The following ACYP2 variants were observed in gnomAD, a reference collection of about 807,000 sequenced individuals.
The protein encoded by ACYP2 is acylphosphatase 2, also known as acylphosphatase-2.
Under a neutral mutation model 11.2 loss-of-function variants are expected in ACYP2, and 12 were observed. The ratio of observed to expected loss-of-function variants is 1.08; its 90% CI spans 0.69 to 1.74. The LOEUF (loss-of-function observed/expected upper bound fraction) is 1.74, where lower values mean the gene tolerates loss of function less well. ACYP2 is among the 40% of genes most tolerant of loss of function. The pLI is 0.00. For missense variants in ACYP2, 134 were observed against 101.9 expected, an observed-to-expected ratio of 1.31 and a Z score of -1.35; for synonymous variants, 43 against 32.2, an observed-to-expected ratio of 1.33 and a Z score of -1.13.
chr2:54,240,660 C>G (rs1019976946), intron 6 of ACYP2, among the ~76,000 whole-genome samples: 28 of 152,180 alleles, frequency 1.8e-4, no homozygotes, highest in African/African-American at 6.8e-4. Context: ...AAGACTCAGG[C>G]TCGTATTACA....
intron 6 of ACYP2, chr2:54,267,455 G>A: frequency 4.2e-6 from 5 of 1,203,332 alleles, no homozygotes; most frequent in Middle Eastern, 2.0e-4. Flanking sequence ...TTGGGAGCTG[G>A]GGGAAGAGTG....
intron 6 of ACYP2, among the ~76,000 whole-genome samples, chr2:54,154,052 GT>G (rs879355751): frequency 5.0e-4 from 73 of 144,654 alleles, no homozygotes; most frequent in South Asian, 1.1e-3. Context: ...TTCTCCTAAG[GT>G]TTTTTTTTTT....
intron 6 of ACYP2, among the ~76,000 whole-genome samples, chr2:54,199,876 C>T (rs1010253897): frequency 2.6e-5 from 4 of 152,166 alleles, no homozygotes; most frequent in Non-Finnish European, 5.9e-5. Context: ...GCCTGGTGAT[C>T]GTTGCAATGG....
At chr2:53,985,262 G>C (rs745432123) in intron 2 of ACYP2, among the ~76,000 whole-genome samples, 1 of 151,692 alleles carries the variant, frequency 6.6e-6, no homozygotes, top group African/African-American at 2.4e-5. Context: ...ATAGAGACAG[G>C]GTTTCACATT....
At chr2:54,238,524 C>T (rs761514776) in intron 6 of ACYP2, among the ~76,000 whole-genome samples, 8 of 152,086 alleles carry the variant, frequency 5.3e-5, no homozygotes, top group East Asian at 3.9e-4. Context: ...TTTAATCTTT[C>T]GAATGTAAAG....
intron 2 of ACYP2, among the ~76,000 whole-genome samples, chr2:54,000,069 C>T (rs1573484576): frequency 6.6e-6 from 1 of 151,614 alleles, no homozygotes; most frequent in African/African-American, 2.4e-5. Flanking sequence ...TATTAATTTA[C>T]TATCTGTTAT....
At chr2:54,115,711 C>T (rs1679720688) in intron 4 of ACYP2, 1 of 1,612,984 alleles carries the variant, frequency 6.2e-7, no homozygotes, top group Non-Finnish European at 8.5e-7. Flanking sequence ...GTCTACCGCC[C>T]AGTCACTCAA....
At chr2:54,195,794 G>GTTTTTTGTT (rs1684445469) in intron 6 of ACYP2, among the ~76,000 whole-genome samples, 1 of 83,134 alleles carries the variant, frequency 1.2e-5, no homozygotes, top group Non-Finnish European at 2.2e-5. Context: ...TTTGTTGTGG[G>GTTTTTTGTT]TTTTTTTTTT....
chr2:54,001,384 AT>A (rs1297079952), intron 2 of ACYP2, among the ~76,000 whole-genome samples: 1 of 152,132 alleles, frequency 6.6e-6, no homozygotes, highest in Non-Finnish European at 1.5e-5. Flanking sequence ...AAAATAACAA[AT>A]TTAAAAATAT....
chr2:54,182,730 T>C (rs1267537866), intron 6 of ACYP2, among the ~76,000 whole-genome samples: 1 of 152,198 alleles, frequency 6.6e-6, no homozygotes, highest in Non-Finnish European at 1.5e-5. Context: ...CAAAGTCACA[T>C]AACTGGCAGA....
At chr2:54,273,917 G>T (rs1688430758) in intron 6 of ACYP2, among the ~76,000 whole-genome samples, 1 of 152,202 alleles carries the variant, frequency 6.6e-6, no homozygotes, top group African/African-American at 2.4e-5. Context: ...ACAGGAATTT[G>T]CACCATGAAC....
In ACYP2 at chr2:54,172,616, T is replaced by A. The variant is rs1321147555; in HGVS notation, c.404+33868T>A. On this transcript the variant is annotated intron_variant, in intron 6 of 6. Transcript: ENST00000607452. ...TCTCTTTTTTCTTTTATTTATTTAT[T>A]ATTATACTTTAAGTTCTAGGGTACA... is the stretch of plus-strand genomic sequence containing the variant. Among the ~76,000 whole-genome samples the A allele has an allele frequency of 2.0e-5, 3 of 152,186 alleles. No individual in the cohort carries two copies. The South Asian group carries it at 6.2e-4, about 32-fold the overall frequency.
chr2:54,020,047 C>G (rs1209457255), intron 2 of ACYP2, among the ~76,000 whole-genome samples: 1 of 152,090 alleles, frequency 6.6e-6, no homozygotes, highest in Non-Finnish European at 1.5e-5. Flanking sequence ...AGGGATTCTC[C>G]TGCCTCAGCC....
chr2:54,038,466 G>T (rs963878977), intron 2 of ACYP2, among the ~76,000 whole-genome samples: 1 of 151,600 alleles, frequency 6.6e-6, no homozygotes, highest in Non-Finnish European at 1.5e-5. Flanking sequence ...TACTAAGTGC[G>T]TGGTGCTATT....
chr2:54,099,901 C>T (rs1269020540), intron 4 of ACYP2, among the ~76,000 whole-genome samples: 1 of 152,192 alleles, frequency 6.6e-6, no homozygotes, highest in Non-Finnish European at 1.5e-5. Flanking sequence ...CTAATGTACA[C>T]TCCCACCAAC....
chr2:54,073,321 G>GT (rs1317573563), intron 4 of ACYP2, among the ~76,000 whole-genome samples: 1 of 151,618 alleles, frequency 6.6e-6, no homozygotes, highest in Non-Finnish European at 1.5e-5. Context: ...GAGCCCAGGA[G>GT]TTTGAGTCCA....
At chr2:54,282,208 A>C (rs1015998436) in intron 6 of ACYP2, among the ~76,000 whole-genome samples, 2 of 152,240 alleles carry the variant, frequency 1.3e-5, no homozygotes, top group Admixed American at 6.5e-5. Context: ...AGTCCTTCAA[A>C]GAATAAAAAT....
intron 6 of ACYP2, among the ~76,000 whole-genome samples, chr2:54,270,221 GTTTTTAAGCTATTTT>G (rs1050272488): frequency 9.2e-5 from 14 of 151,880 alleles, no homozygotes; most frequent in Non-Finnish European, 1.8e-4. Flanking sequence ...TTTTCTTGAT[GTTTTTAAGCTATTTT>G]TTTGTGTGAT....
chr2:54,011,098 T>G (rs905330383), intron 2 of ACYP2, among the ~76,000 whole-genome samples: 6 of 152,182 alleles, frequency 3.9e-5, no homozygotes, highest in African/African-American at 1.4e-4. Context: ...AAATAAAATG[T>G]CTCAATAAAT....
Sources: allele counts gnomAD v4.1 joint callset (sites outside exome capture counted in the v4.1 genomes callset), GRCh38; gene constraint gnomAD v4.1.1; transcripts MANE v1.5; gene names NCBI Gene and HGNC (gene_info 2026-07-23, HGNC 2026-07-21).